VCL: variants seen among roughly 807,000 people sequenced by gnomAD.
VCL encodes the protein epididymis luminal protein 114.
VCL carries 47 observed loss-of-function variants against 125.7 expected under a neutral mutation model. That is an observed-to-expected ratio of 0.37 (90% CI 0.30 to 0.48). The LOEUF is 0.48. VCL is among the 20% of genes least tolerant of loss of function. The probability of loss-of-function intolerance (pLI) is 0.99; values close to 1 mark genes in which losing one functional copy is unlikely to be tolerated. For missense variants in VCL, 1,069 were observed against 1,455.5 expected, an observed-to-expected ratio of 0.73 and a Z score of 4.32; for synonymous variants, 458 against 514.6, an observed-to-expected ratio of 0.89 and a Z score of 1.49.
At chr10:74,043,224 T>A in intron 2 of VCL, 71 bp downstream of exon 2, 1 of 1,372,300 alleles carries the variant, frequency 7.3e-7, no homozygotes, top group South Asian at 1.2e-5. Context: ...AGTAGCTGAT[T>A]TCAGTAACAA....
At chr10:74,087,765 C>T (rs546704194) in intron 8 of VCL, among the ~76,000 whole-genome samples, 4 of 151,908 alleles carry the variant, frequency 2.6e-5, no homozygotes, top group East Asian at 3.9e-4. Context: ...CTCTTGAGGT[C>T]GGAAGTTCAA....
intron 6 of VCL, among the ~76,000 whole-genome samples, chr10:74,080,923 A>T (rs1839664972): frequency 6.6e-6 from 1 of 152,190 alleles, no homozygotes; most frequent in Admixed American, 6.6e-5. Flanking sequence ...TTTGAAGGCA[A>T]CGTTTTCTGC....
intron 18 of VCL, 42 bp downstream of exon 18, chr10:74,109,198 C>T (rs759785558): frequency 1.9e-5 from 31 of 1,611,418 alleles, no homozygotes; most frequent in South Asian, 9.9e-5. Context: ...GATGTCTTCT[C>T]GGAAAGGATG....
chr10:74,073,175 G>A (rs1343454008), intron 5 of VCL, among the ~76,000 whole-genome samples: 3 of 152,182 alleles, frequency 2.0e-5, no homozygotes, highest in East Asian at 3.9e-4. Flanking sequence ...TCTTGACCTC[G>A]TGATCTGCCT....
intron 1 of VCL, among the ~76,000 whole-genome samples, chr10:74,040,140 T>C (rs1841065488): frequency 6.6e-6 from 1 of 152,234 alleles, no homozygotes; most frequent in Non-Finnish European, 1.5e-5. Flanking sequence ...TAAGCTCCTT[T>C]GTTTCCAGCC....
chr10:74,043,201 G>T, intron 2 of VCL, 48 bp downstream of exon 2: 3 of 1,532,404 alleles, frequency 2.0e-6, no homozygotes, highest in South Asian at 1.1e-5. Flanking sequence ...TAATACTCTT[G>T]TTAGGAAGAA....
chr10:74,056,516 T>C (rs955807181), intron 2 of VCL, among the ~76,000 whole-genome samples: 2 of 152,172 alleles, frequency 1.3e-5, no homozygotes, highest in South Asian at 4.1e-4. Context: ...GGGAAAGGAA[T>C]ACTTTGTGGA....
chr10:74,042,129 C>T (rs1467021193), intron 1 of VCL, among the ~76,000 whole-genome samples: 1 of 152,114 alleles, frequency 6.6e-6, no homozygotes, highest in Non-Finnish European at 1.5e-5. Context: ...GTGTTGTACT[C>T]ATAATGTATA....
At chr10:74,003,030 C>T (rs1382042436) in intron 1 of VCL, among the ~76,000 whole-genome samples, 2 of 151,546 alleles carry the variant, frequency 1.3e-5, no homozygotes. Context: ...ACTGGGTCAT[C>T]ACTTTTACTC....
Position 74,097,407 on chromosome 10 carries a change from T to C in VCL, c.1872+75T>C, listed in dbSNP as rs1162280973. 17 of 1,583,838 alleles carry C rather than the reference T, an allele frequency of 1.1e-5. No homozygotes were observed. The highest frequency in any genetic ancestry group is 2.7e-5 in the African/African-American group (2 of 74,408). On this transcript the variant is annotated intron_variant, in intron 13 of 21. Transcript: ENST00000211998. The surrounding 1 kb of genome is among the most constrained non-coding windows in gnomAD (Gnocchi z 4.1). Reference sequence around the variant, plus strand: ...ATGTAAAGGTGAAATGTGATTACAGTGGACATCAGGATCAGTGGTTGGGAA... The same window carrying C: ...ATGTAAAGGTGAAATGTGATTACAGCGGACATCAGGATCAGTGGTTGGGAA...
In VCL at chr10:74,083,436, C is replaced by A. The variant is rs61731180; in HGVS notation, c.945C>A (p.Gly315=). ...GAAAAGTTGGTGAACTCTGTGCAGG[C>A]AAAGAACGCAGGGAGATTCTGGGAA... is the stretch of plus-strand genomic sequence containing the variant. ...EAGKVGELCA[G]KERREILGTC... The change falls in exon 8 of 22, where the codon GGC becomes GGA. Residue 315 remains glycine, a synonymous_variant. Transcript: ENST00000211998. 4.9e-3 allele frequency: 7,882 copies of A among 1,614,024 alleles called. 364 individuals are homozygous for A. The African/African-American group carries it at 0.093, about 19-fold the overall frequency.
rs113423159 is a variant in VCL, at chr10:74,019,489, A to C, written c.168+21114A>C. 4.7e-3 allele frequency among the ~76,000 whole-genome samples: 715 copies of C among 152,168 alleles called. 4 individuals carry two copies. The highest frequency in any genetic ancestry group is 0.016 in the African/African-American group (652 of 41,504). Reference sequence around the variant, plus strand: ...TAAGCTGATGTATAAAATTTTGGTAAAATAATCCTGGTAGTATTGAGGAAG... The same window carrying C: ...TAAGCTGATGTATAAAATTTTGGTACAATAATCCTGGTAGTATTGAGGAAG... On this transcript the variant is annotated intron_variant, in intron 1 of 21. Transcript: ENST00000211998.
chr10:74,064,735 C>T (rs1213078147), intron 2 of VCL, among the ~76,000 whole-genome samples: 7 of 152,110 alleles, frequency 4.6e-5, no homozygotes, highest in African/African-American at 1.4e-4. Context: ...TGTCAAAAGA[C>T]ACTTTTAGGA....
intron 2 of VCL, among the ~76,000 whole-genome samples, chr10:74,052,946 A>T (rs7071779): frequency 0.033 from 3,297 of 99,694 alleles, 34 homozygotes; most frequent in Admixed American, 0.053. Flanking sequence ...GAAAAAAAAA[A>T]ATATATATAT....
In VCL at chr10:74,107,384, A is replaced by T. The variant is rs533239632; in HGVS notation, c.2559+30A>T. 22 of 1,614,200 alleles carry T rather than the reference A, an allele frequency of 1.4e-5. No homozygotes were observed. In the African/African-American group the frequency reaches 2.8e-4, roughly 21 times the overall value. Reference sequence around the variant, plus strand: ...GTAAATTCAGATATGCAGAGAATTGAGCAGGAAGGTGTTGAGACTTCAGCA... The same window carrying T: ...GTAAATTCAGATATGCAGAGAATTGTGCAGGAAGGTGTTGAGACTTCAGCA... On this transcript the variant is annotated intron_variant, in intron 17 of 21. Transcript: ENST00000211998.
At position 74,111,997 on chromosome 10, in the gene VCL, T is replaced by G; in HGVS notation, c.2834T>G (p.Met945Arg). Residue 945 changes from methionine (M) to arginine (R), a missense_variant, in exon 19 of 22, where the codon ATG (methionine) becomes AGG (arginine). Transcript: ENST00000211998. ...GCTGGCTTCCCTGTCCCCCCTGACATGGAAGACGATTACGAACCTGAGCTG... is the reference window on the plus strand; with the variant it reads ...GCTGGCTTCCCTGTCCCCCCTGACAGGGAAGACGATTACGAACCTGAGCTG... ...DAAGFPVPPD[M>R]EDDYEPELLL... 1 of 1,614,184 alleles carries G rather than the reference T, an allele frequency of 6.2e-7. No homozygotes were observed. Among genetic ancestry groups the G allele is most frequent in the Non-Finnish European group, 8.5e-7 (1 of 1,180,022 alleles).
chr10:74,100,337 A>G (rs1349570492), intron 13 of VCL, among the ~76,000 whole-genome samples: 1 of 152,222 alleles, frequency 6.6e-6, no homozygotes, highest in African/African-American at 2.4e-5. Flanking sequence ...AATTAAGTAG[A>G]TGATTTTGCA....
At chr10:74,102,123 C>A (rs1039915116) in intron 14 of VCL, among the ~76,000 whole-genome samples, 2 of 152,060 alleles carry the variant, frequency 1.3e-5, no homozygotes, top group Admixed American at 1.3e-4. Context: ...CCTCGGCCTC[C>A]CAAAGTGCTG....
At chr10:74,069,323 A>G (rs1039883751) in intron 2 of VCL, among the ~76,000 whole-genome samples, 9 of 152,180 alleles carry the variant, frequency 5.9e-5, no homozygotes, top group African/African-American at 2.2e-4. Flanking sequence ...TACAGGCATG[A>G]GCCAACTGCG....
Sources: gnomAD v4.1 joint callset for allele counts (sites outside exome capture counted in the v4.1 genomes callset) on GRCh38, gnomAD v4.1.1 for gene constraint, Gnocchi (gnomAD v3.1) non-coding constraint, MANE v1.5 for transcripts, NCBI Gene and HGNC (gene_info 2026-07-23, HGNC 2026-07-21) for gene names.